CCDC3: variants seen among roughly 807,000 people sequenced by gnomAD.
The protein encoded by CCDC3 is coiled-coil domain containing 3, also known as coiled-coil domain-containing protein 3.
A neutral mutation model predicts 21.4 loss-of-function variants in CCDC3; 24 were observed. The observed-to-expected ratio is 1.12, with a 90% CI of 0.81 to 1.58. The LOEUF (loss-of-function observed/expected upper bound fraction) is 1.58. CCDC3 is among the 40% of genes most tolerant of loss of function. The pLI, the probability that CCDC3 is intolerant of heterozygous loss-of-function variation, is 0.00. For synonymous variants in CCDC3, 186 were observed against 166.0 expected (o/e 1.12, Z -0.93); for missense variants, 425 against 360.9 (o/e 1.18, Z -1.44).
chr10:12,901,759 C>T (rs1834095996), intron 2 of CCDC3, among the ~76,000 whole-genome samples: 1 of 152,228 alleles, frequency 6.6e-6, no homozygotes, highest in Non-Finnish European at 1.5e-5. Context: ...CTCCTAAAGC[C>T]TTTAACTTTT....
At chr10:12,902,326 A>G (rs1442996073) in intron 2 of CCDC3, among the ~76,000 whole-genome samples, 1 of 152,210 alleles carries the variant, frequency 6.6e-6, no homozygotes, top group Admixed American at 6.5e-5. Context: ...GACCCCCTCA[A>G]AAAGATGAGA....
chr10:13,034,591 G>T (rs1258772954), intron 5 of CCDC3, among the ~76,000 whole-genome samples: 1 of 150,296 alleles, frequency 6.7e-6, no homozygotes, highest in Admixed American at 6.6e-5. Flanking sequence ...CATAGCAATA[G>T]TTAGGAATGT....
intron 5 of CCDC3, among the ~76,000 whole-genome samples, chr10:13,020,368 G>C (rs550075856): frequency 6.6e-6 from 1 of 152,124 alleles, no homozygotes. Context: ...CAGTTAGCGC[G>C]GTTTAGCAAG....
At chr10:13,087,117 G>A (rs552101668) in intron 3 of CCDC3, among the ~76,000 whole-genome samples, 1 of 152,228 alleles carries the variant, frequency 6.6e-6, no homozygotes, top group South Asian at 2.1e-4. Context: ...AAGGTGCTAG[G>A]AACAAGGCCG....
intron 3 of CCDC3, among the ~76,000 whole-genome samples, chr10:13,096,896 C>T (rs889319844): frequency 2.0e-5 from 3 of 152,122 alleles, no homozygotes; most frequent in African/African-American, 7.2e-5. Flanking sequence ...AAGCCTCCAC[C>T]CCACCCAGCT....
intron 2 of CCDC3, among the ~76,000 whole-genome samples, chr10:12,934,044 G>C (rs1834695497): frequency 6.6e-6 from 1 of 152,040 alleles, no homozygotes; most frequent in Non-Finnish European, 1.5e-5. Context: ...ACTGATATTA[G>C]ATCTTTCTTC....
chr10:12,923,956 CA>C (rs1412029779), intron 2 of CCDC3, among the ~76,000 whole-genome samples: 2 of 152,280 alleles, frequency 1.3e-5, no homozygotes, highest in African/African-American at 4.8e-5. Context: ...GCAATGAAGC[CA>C]GGGGTGAACG....
intron 2 of CCDC3, among the ~76,000 whole-genome samples, chr10:12,925,525 A>G (rs1020076798): frequency 1.3e-5 from 2 of 152,132 alleles, no homozygotes; most frequent in Non-Finnish European, 2.9e-5. Context: ...GTGGCGAGAC[A>G]CTCTGACCCT....
intron 4 of CCDC3, among the ~76,000 whole-genome samples, chr10:13,055,208 CA>C (rs1485175403): frequency 6.6e-6 from 1 of 152,180 alleles, no homozygotes; most frequent in African/African-American, 2.4e-5. Context: ...TGCAAGGCAA[CA>C]GGATTTCAAG....
chr10:12,950,095 C>T (rs571633319), intron 2 of CCDC3, among the ~76,000 whole-genome samples: 11 of 152,304 alleles, frequency 7.2e-5, no homozygotes, highest in African/African-American at 2.6e-4. Flanking sequence ...CCCCCAGCCT[C>T]CCATTCCCTT....
Position 13,001,390 on chromosome 10 carries a change from G to T in CCDC3, c.181C>A (p.His61Asn). 1 of 1,582,124 alleles carries T rather than the reference G, an allele frequency of 6.3e-7. No homozygotes were observed. The highest frequency in any genetic ancestry group is 8.6e-7 in the Non-Finnish European group (1 of 1,165,190). Reference sequence around the variant, plus strand: ...CCGGCGTGGTACTGCCAGGGCAGGTGGTTGTAGAGGCCGGGCGCCTCGGGG... The same window carrying T: ...CCGGCGTGGTACTGCCAGGGCAGGTTGTTGTAGAGGCCGGGCGCCTCGGGG... ...LHPEAPGLYNHLPWQYHAGQG... is the reference protein window; with the variant it reads ...LHPEAPGLYNNLPWQYHAGQG... Residue 61 changes from histidine to asparagine, a missense_variant, in exon 1 of 3, where the codon CAC becomes AAC. His to Asn is a moderately conservative substitution (Grantham distance 68, BLOSUM62 1). Coordinates refer to ENST00000378825, the MANE Select transcript of CCDC3 (RefSeq NM_031455.4).
chr10:13,088,067 C>T (rs184994325), intron 3 of CCDC3, among the ~76,000 whole-genome samples: 3 of 152,186 alleles, frequency 2.0e-5, no homozygotes, highest in African/African-American at 7.2e-5. Flanking sequence ...ACTTGGCATG[C>T]TTCAGCCTGC....
At chr10:12,957,961 G>C (rs1466441051) in intron 2 of CCDC3, among the ~76,000 whole-genome samples, 1 of 151,864 alleles carries the variant, frequency 6.6e-6, no homozygotes, top group Non-Finnish European at 1.5e-5. Context: ...TCCCAAATAG[G>C]TGGAACTACA....
At chr10:13,030,353 G>GA (rs1299201269) in intron 5 of CCDC3, among the ~76,000 whole-genome samples, 4 of 152,126 alleles carry the variant, frequency 2.6e-5, no homozygotes, top group Admixed American at 2.0e-4. Flanking sequence ...ACTAAACATG[G>GA]AAAGGAACAA....
At chr10:12,935,420 T>C (rs1834721261) in intron 2 of CCDC3, among the ~76,000 whole-genome samples, 1 of 152,174 alleles carries the variant, frequency 6.6e-6, no homozygotes, top group Non-Finnish European at 1.5e-5. Context: ...TATCTTTTAA[T>C]TGGTACATTT....
At chr10:13,012,584 A>G (rs1442208941) in intron 5 of CCDC3, among the ~76,000 whole-genome samples, 2 of 152,100 alleles carry the variant, frequency 1.3e-5, no homozygotes, top group African/African-American at 2.4e-5. Context: ...ATGCTTATAT[A>G]CTGCTGGTGG....
At chr10:12,919,787 C>T (rs1271609356) in intron 2 of CCDC3, among the ~76,000 whole-genome samples, 2 of 152,200 alleles carry the variant, frequency 1.3e-5, no homozygotes, top group African/African-American at 2.4e-5. Context: ...AGATGGCATG[C>T]AGCTCCCAGG....
At position 13,063,791 on chromosome 10, in the gene CCDC3, G is replaced by A. The variant is rs562979813; in HGVS notation, c.-270+10077C>T. On this transcript the variant is annotated intron_variant, in intron 4 of 6. Transcript: ENST00000378839. ...GCCTTCCTTGTTAATATAATATCTTGCAAGTTCTGGGATGAGGTAGAATTG... is the reference window on the plus strand; with the variant it reads ...GCCTTCCTTGTTAATATAATATCTTACAAGTTCTGGGATGAGGTAGAATTG... Among the ~76,000 whole-genome samples the A allele has an allele frequency of 7.8e-4, 118 of 152,236 alleles. 1 individual carries two copies. The highest frequency in any genetic ancestry group is 1.4e-3 in the Non-Finnish European group (93 of 68,010).
At chr10:12,927,433 TTTTATA>T (rs1405857760) in intron 2 of CCDC3, among the ~76,000 whole-genome samples, 1 of 152,220 alleles carries the variant, frequency 6.6e-6, no homozygotes, top group Non-Finnish European at 1.5e-5. Context: ...CAGATTTCTT[TTTTATA>T]TTTAGTTTGT....
Sources: allele counts gnomAD v4.1 joint callset (sites outside exome capture counted in the v4.1 genomes callset), GRCh38; gene constraint gnomAD v4.1.1; transcripts MANE v1.5; gene names NCBI Gene and HGNC (gene_info 2026-07-23, HGNC 2026-07-21).